PXMP4: variants seen among roughly 807,000 people sequenced by gnomAD.
PXMP4 encodes peroxisomal membrane protein 4.
In PXMP4, 16 loss-of-function variants were observed where a neutral mutation model predicts 21.6. That is an observed-to-expected ratio of 0.74 (90% CI 0.50 to 1.13). The LOEUF (loss-of-function observed/expected upper bound fraction) is 1.13, where lower values mean the gene tolerates loss of function less well. Ranked by LOEUF, PXMP4 falls within the 50% of genes most tolerant of loss-of-function variation. The pLI is 0.00. For missense variants in PXMP4, 240 were observed against 277.7 expected (o/e 0.86, Z 0.96); for synonymous variants, 127 against 123.8 (o/e 1.03, Z -0.17).
chr20:33,712,780 G>A (rs915011983), intron 2 of PXMP4, among the ~76,000 whole-genome samples: 6 of 152,198 alleles, frequency 3.9e-5, no homozygotes, highest in African/African-American at 1.2e-4. Context: ...ACAGGTGTGC[G>A]CCGCCAAGCC....
chr20:33,714,583 G>C (rs1051432005), intron 2 of PXMP4, 91 bp downstream of exon 2: 8 of 1,263,598 alleles, frequency 6.3e-6, no homozygotes, highest in Non-Finnish European at 6.9e-6. Context: ...AGGCGTGATG[G>C]GGGGACAGGG....
rs755920962 is a variant in PXMP4, at chr20:33,710,677, A to C, written c.253T>G (p.Tyr85Asp). ...SWNLARFVFT[Y>D]KGLRALQSYI... ...GACTGCAGGGCACGGAGACCCTTGTAGGTGAACACAAACCGTGCCAGGTTC... is the reference window on the plus strand; with the variant it reads ...GACTGCAGGGCACGGAGACCCTTGTCGGTGAACACAAACCGTGCCAGGTTC... The change falls in exon 3 of 4, where the codon TAC (tyrosine) becomes GAC (aspartate). Residue 85 changes from tyrosine (Y) to aspartate (D), a missense_variant. Tyr to Asp is a radical substitution (Grantham distance 160, BLOSUM62 -3). Transcript: ENST00000409299. 6.2e-7 allele frequency: 1 copy of C among 1,613,902 alleles called. No individual in the cohort carries two copies. The highest frequency in any genetic ancestry group is 8.5e-7 in the Non-Finnish European group (1 of 1,179,916).
chr20:33,710,270 T>C (rs1568920236), intron 3 of PXMP4, among the ~76,000 whole-genome samples: 1 of 107,760 alleles, frequency 9.3e-6, no homozygotes, highest in Non-Finnish European at 1.9e-5. Context: ...ACCACGCCCT[T>C]TCCCCCACTC....
Position 33,714,694 on chromosome 20 carries a change from G to C in PXMP4, c.156C>G (p.Thr52=). 1 of 1,614,092 alleles carries C rather than the reference G, an allele frequency of 6.2e-7. No individual in the cohort carries two copies. The highest frequency in any genetic ancestry group is 1.1e-5 in the South Asian group (1 of 91,082). ...TGTACCTGCCATTCCGGAAGAGAAA[G>C]GTCATGACCAGCGCGTGAGGGGCCC... The part of the protein sequence containing the change: ...KIRAPHALVM[T]FLFRNGSLQE... Residue 52 remains threonine (T), a synonymous_variant, in exon 2 of 4, where the codon ACC becomes ACG. Transcript: ENST00000409299.
At position 33,710,585 on chromosome 20, in the gene PXMP4, C is replaced by T. The variant is rs1332454850; in HGVS notation, c.345G>A (p.Val115=). 3 of 1,595,860 alleles carry T rather than the reference C, an allele frequency of 1.9e-6. No homozygotes were observed. Among genetic ancestry groups the T allele is most frequent in the East Asian group, 2.3e-5 (1 of 43,506 alleles). The change falls in exon 3 of 4, where the codon GTG becomes GTA. Residue 115 remains valine (V), a synonymous_variant. Transcript: ENST00000409299. ...FLAAFLGGIL[V]FGENNNINSQ... is the part of the protein sequence containing the mutation. ...TGTTGATGTTATTGTTTTCTCCAAA[C>T]ACCAGGATACCCCCGAGGAAGGCCG...
Position 33,707,510 on chromosome 20 carries a change from G to T in PXMP4, c.*196C>A. 1.3e-6 allele frequency: 1 copy of T among 760,382 alleles called. No individual in the cohort carries two copies. The highest frequency in any genetic ancestry group is 4.0e-4 in the Middle Eastern group (1 of 2,512). 47.1% of individuals were successfully genotyped at this position (760,382 alleles called of 1,614,324 possible). Reference sequence around the variant, plus strand: ...CTGGAACCAAGCCGTAGATTCCTCAGCCTGATTCGGCCACTTGTGCCACCA... The same window carrying T: ...CTGGAACCAAGCCGTAGATTCCTCATCCTGATTCGGCCACTTGTGCCACCA... On this transcript the variant is annotated 3_prime_UTR_variant, in exon 4 of 4. Transcript: ENST00000409299.
rs1357578631 is a variant in PXMP4 at position 33,707,518 on chromosome 20, C to T, written c.*188G>A. On this transcript the variant is annotated 3_prime_UTR_variant, in exon 4 of 4. Transcript: ENST00000409299. ...AAGCCGTAGATTCCTCAGCCTGATT[C>T]GGCCACTTGTGCCACCATACAAAGG... 1.1e-5 allele frequency: 9 copies of T among 822,300 alleles called. No homozygotes were observed. Among genetic ancestry groups the T allele is most frequent in the South Asian group, 1.9e-5 (1 of 53,254 alleles). 50.9% of individuals were successfully genotyped at this position (822,300 alleles called of 1,614,324 possible).
chr20:33,718,717 G>T (rs1276825653), intron 1 of PXMP4, among the ~76,000 whole-genome samples: 1 of 151,966 alleles, frequency 6.6e-6, no homozygotes, highest in Non-Finnish European at 1.5e-5. Flanking sequence ...AAGTGCTGTG[G>T]CCACGAGCAA....
In PXMP4 at chr20:33,720,150, T is replaced by A; in HGVS notation, c.58A>T (p.Lys20Ter). ...GCCAACGCAGCGTGGTAGCGGCGCT[T>A]GCGCAGCAGTGCGTTGACGACTACG... is the stretch of plus-strand genomic sequence containing the variant. ...LLVVVNALLRKRRYHAALAVL... is the reference protein window; with the variant it reads ...LLVVVNALLR Residue 20 changes from lysine to a stop codon, truncating the protein, a stop_gained, in exon 1 of 4, where the codon AAG (lysine) becomes TAG (stop). Transcript: ENST00000409299. LOFTEE classifies it high-confidence loss of function. The A allele has an allele frequency of 1.9e-6, 3 of 1,613,540 alleles. No homozygotes were observed. The highest frequency in any genetic ancestry group is 2.5e-6 in the Non-Finnish European group (3 of 1,179,914).
At chr20:33,718,621 C>T (rs1308726398) in intron 1 of PXMP4, among the ~76,000 whole-genome samples, 1 of 151,404 alleles carries the variant, frequency 6.6e-6, no homozygotes, top group African/African-American at 2.4e-5. Context: ...ACCAGTTCTA[C>T]CTGACTCTTG....
In PXMP4 at chr20:33,704,507, C is replaced by A. The variant is rs1477078084; in HGVS notation, c.*3199G>T. 1 of 152,236 alleles carries A rather than the reference C, an allele frequency of 6.6e-6. No individual in the cohort carries two copies. 9.4% of individuals were successfully genotyped at this position (152,236 alleles called of 1,614,324 possible). A position where few individuals can be genotyped will look rare whatever the true frequency, so the allele number is the denominator to read the frequency against. ...GTTCCGAACAGGCCATGGACCGGTA[C>A]CGGGGTTGCGGACCCCTTACTCTAG... On this transcript the variant is annotated 3_prime_UTR_variant, in exon 4 of 4. Transcript: ENST00000409299.
At chr20:33,714,184 A>G (rs1164280917) in intron 2 of PXMP4, among the ~76,000 whole-genome samples, 1 of 152,192 alleles carries the variant, frequency 6.6e-6, no homozygotes. Context: ...CAGGCCTGGA[A>G]GCTGGGCTTC....
Position 33,710,600 on chromosome 20 carries a change from G to T in PXMP4, c.330C>A (p.Leu110=). Reference sequence around the variant, plus strand: ...TTTCTCCAAACACCAGGATACCCCCGAGGAAGGCCGCCAGGAATGCGTGTG... The same window carrying T: ...TTTCTCCAAACACCAGGATACCCCCTAGGAAGGCCGCCAGGAATGCGTGTG... ...YPAHAFLAAF[L]GGILVFGENN... The change falls in exon 3 of 4, where the codon CTC becomes CTA. Residue 110 remains leucine (L), a synonymous_variant. Transcript: ENST00000409299. 2 of 1,612,042 alleles carry T rather than the reference G, an allele frequency of 1.2e-6. No individual in the cohort carries two copies. Among genetic ancestry groups the T allele is most frequent in the Non-Finnish European group, 1.7e-6 (2 of 1,179,126 alleles).
At position 33,710,600 on chromosome 20, in the gene PXMP4, G is replaced by A; in HGVS notation, c.330C>T (p.Leu110=). 1 of 1,612,042 alleles carries A rather than the reference G, an allele frequency of 6.2e-7. No individual in the cohort carries two copies. The highest frequency in any genetic ancestry group is 8.5e-7 in the Non-Finnish European group (1 of 1,179,126). ...TTTCTCCAAACACCAGGATACCCCC[G>A]AGGAAGGCCGCCAGGAATGCGTGTG... The part of the protein sequence containing the change: ...YPAHAFLAAF[L]GGILVFGENN... Residue 110 remains leucine, a synonymous_variant, in exon 3 of 4, where the codon CTC becomes CTT. Transcript: ENST00000409299.
chr20:33,716,071 C>T (rs932647388), intron 1 of PXMP4, among the ~76,000 whole-genome samples: 6 of 147,488 alleles, frequency 4.1e-5, no homozygotes, highest in South Asian at 4.3e-4. Context: ...CTCGAACTCC[C>T]GACCTCAGGT....
At chr20:33,717,162 A>G (rs2018392082) in intron 1 of PXMP4, among the ~76,000 whole-genome samples, 3 of 152,158 alleles carry the variant, frequency 2.0e-5, no homozygotes, top group Non-Finnish European at 4.4e-5. Context: ...TGGGCAGCAG[A>G]CTAAGACTCT....
chr20:33,712,227 C>A (rs764854542), intron 2 of PXMP4, among the ~76,000 whole-genome samples: 1 of 152,148 alleles, frequency 6.6e-6, no homozygotes, highest in Non-Finnish European at 1.5e-5. Flanking sequence ...AGCTGGATTT[C>A]CATGTGGAAT....
intron 1 of PXMP4, among the ~76,000 whole-genome samples, chr20:33,718,488 G>A (rs893689358): frequency 4.0e-5 from 5 of 123,606 alleles, no homozygotes; most frequent in African/African-American, 1.6e-4. Context: ...TCCAGCCTGG[G>A]CAACAGAGCG....
Position 33,707,595 on chromosome 20 carries a change from G to T in PXMP4, c.*111C>A. ...TTTTTACTTCAGCAAACGGAACCCT[G>T]GGATAACACCAGTTGGAGTCTGAGG... On this transcript the variant is annotated 3_prime_UTR_variant, in exon 4 of 4. Transcript: ENST00000409299. 1 of 1,425,654 alleles carries T rather than the reference G, an allele frequency of 7.0e-7. No individual in the cohort carries two copies. The highest frequency in any genetic ancestry group is 9.5e-7 in the Non-Finnish European group (1 of 1,051,342). 88.3% of individuals were successfully genotyped at this position (1,425,654 alleles called of 1,614,324 possible). A position where few individuals can be genotyped will look rare whatever the true frequency, so the allele number is the denominator to read the frequency against.
Sources: allele counts gnomAD v4.1 joint callset (sites outside exome capture counted in the v4.1 genomes callset), GRCh38; gene constraint gnomAD v4.1.1; transcripts MANE v1.5; gene names NCBI Gene and HGNC (gene_info 2026-07-23, HGNC 2026-07-21).